GRIN2A: variants seen among roughly 807,000 people sequenced by gnomAD.
The protein encoded by GRIN2A is glutamate receptor ionotropic, NMDA 2A.
Under a neutral mutation model 113.4 loss-of-function variants are expected in GRIN2A, and 22 were observed. The observed-to-expected ratio is 0.19, with a 90% CI of 0.14 to 0.28. The LOEUF (loss-of-function observed/expected upper bound fraction) is 0.28, where lower values mean the gene tolerates loss of function less well. Among genes scored for constraint, GRIN2A ranks in the 10% least tolerant of loss-of-function variants. The probability of loss-of-function intolerance (pLI) is 1.00; values close to 1 mark genes in which losing one functional copy is unlikely to be tolerated. For synonymous variants in GRIN2A, 827 were observed against 738.4 expected (o/e 1.12, Z -1.94); for missense variants, 1,502 against 1,887.0 (o/e 0.80, Z 3.78).
rs560144688 is a variant in GRIN2A, at chr16:10,071,190, G to A, written c.414+108808C>T. Among the ~76,000 whole-genome samples the A allele has an allele frequency of 2.0e-5, 3 of 152,300 alleles. No homozygotes were observed. In the South Asian group the frequency reaches 6.2e-4, roughly 32 times the overall value. ...TTGAATACTGTTGCATGGAAATTTG[G>A]GATTTCTAGTTAGAGGCTTTATAAA... On this transcript the variant is annotated intron_variant, in intron 2 of 12. Coordinates refer to ENST00000330684, the MANE Select transcript of GRIN2A (RefSeq NM_001134407.3).
chr16:9,983,165 T>C (rs1336521751), intron 2 of GRIN2A, among the ~76,000 whole-genome samples: 1 of 152,204 alleles, frequency 6.6e-6, no homozygotes, highest in Non-Finnish European at 1.5e-5. Context: ...ACACAATATA[T>C]TTTTAACTAT....
intron 2 of GRIN2A, among the ~76,000 whole-genome samples, chr16:9,975,829 T>C (rs952397119): frequency 8.5e-5 from 13 of 152,200 alleles, no homozygotes; most frequent in Admixed American, 2.0e-4. Flanking sequence ...TGGAAAAAGA[T>C]ACAACACACA....
Position 9,840,927 on chromosome 16 carries a change from A to T in GRIN2A, c.1497+9T>A. ...GAGTAAGAGCCTAGGGGATGAAAAG[A>T]TAACTTACTTCACCGATCATTCCAT... On this transcript the variant is annotated intron_variant, in intron 6 of 12. Coordinates refer to ENST00000330684, the MANE Select transcript of GRIN2A (RefSeq NM_001134407.3). The T allele has an allele frequency of 6.2e-7, 1 of 1,613,728 alleles. No homozygotes were observed. Among genetic ancestry groups the T allele is most frequent in the Non-Finnish European group, 8.5e-7 (1 of 1,179,692 alleles).
At chr16:10,179,513 A>G (rs2050215419) in intron 2 of GRIN2A, 1 of 177,860 alleles carries the variant, frequency 5.6e-6, no homozygotes, top group Non-Finnish European at 1.2e-5. Flanking sequence ...ATTTTCTTCC[A>G]GAACCTACCC....
intron 10 of GRIN2A, among the ~76,000 whole-genome samples, chr16:9,819,436 A>G (rs1331861493): frequency 6.6e-6 from 1 of 151,724 alleles, no homozygotes; most frequent in African/African-American, 2.4e-5. Context: ...TGGGATGATT[A>G]CCTGAGCCCA....
At chr16:10,096,605 C>T (rs2048297436) in intron 2 of GRIN2A, among the ~76,000 whole-genome samples, 1 of 149,876 alleles carries the variant, frequency 6.7e-6, no homozygotes, top group Non-Finnish European at 1.5e-5. Context: ...CATAGACTTC[C>T]AGCCCCACAT....
chr16:10,041,252 C>A (rs1042787859), intron 2 of GRIN2A, among the ~76,000 whole-genome samples: 1 of 152,106 alleles, frequency 6.6e-6, no homozygotes, highest in Non-Finnish European at 1.5e-5. Flanking sequence ...AAAGGTATAA[C>A]GCAGAGTAGG....
At chr16:9,977,594 G>T (rs1458181909) in intron 2 of GRIN2A, among the ~76,000 whole-genome samples, 2 of 152,170 alleles carry the variant, frequency 1.3e-5, no homozygotes, top group Non-Finnish European at 2.9e-5. Context: ...GCTGAGAGTG[G>T]AAGGCAGAGC....
In GRIN2A at chr16:9,785,333, G is replaced by T. The variant is rs566994317; in HGVS notation, c.2356+12944C>A. On this transcript the variant is annotated intron_variant, in intron 11 of 12. Transcript: ENST00000330684. ...AAACCATCATTCTCAGCAAACTATC[G>T]CAAGGACAAAAAACCAAACACCACA... is the stretch of plus-strand genomic sequence containing the variant. Among the ~76,000 whole-genome samples, 1,191 of 150,666 alleles carry T rather than the reference G, an allele frequency of 7.9e-3. 7 individuals carry two copies. The highest frequency in any genetic ancestry group is 0.014 in the Non-Finnish European group (970 of 67,798).
rs546481093 is a variant in GRIN2A at position 10,078,368 on chromosome 16, G to A, written c.414+101630C>T. Among the ~76,000 whole-genome samples the A allele has an allele frequency of 7.2e-5, 11 of 152,070 alleles. No individual in the cohort carries two copies. The East Asian group carries it at 1.9e-3, about 27-fold the overall frequency. ...GGTGGGTATAATGCCCACTTCACAG[G>A]TGGACAAAGTGAGACTCAGGAGCCA... is the stretch of plus-strand genomic sequence containing the variant. On this transcript the variant is annotated intron_variant, in intron 2 of 12. Transcript: ENST00000330684.
rs1203432622 is a variant in GRIN2A, at chr16:10,118,009, G to A, written c.414+61989C>T. Reference sequence around the variant, plus strand: ...TGATGGGTGCAGAGATGAGCACATGGCACTGGACCAGCCAATGATAATCTT... The same window carrying A: ...TGATGGGTGCAGAGATGAGCACATGACACTGGACCAGCCAATGATAATCTT... On this transcript the variant is annotated intron_variant, in intron 2 of 12. Transcript: ENST00000330684. Among the ~76,000 whole-genome samples the A allele has an allele frequency of 2.0e-5, 3 of 152,082 alleles. No homozygotes were observed. In the East Asian group the frequency reaches 5.8e-4, roughly 29 times the overall value.
intron 7 of GRIN2A, among the ~76,000 whole-genome samples, chr16:9,836,294 G>A (rs1041586691): frequency 2.0e-5 from 3 of 152,224 alleles, no homozygotes; most frequent in African/African-American, 7.2e-5. Flanking sequence ...ATTAAAGCCA[G>A]AAATACTGGG....
chr16:9,763,533 C>T lies in GRIN2A; in HGVS notation c.4011G>A (p.Ser1337=), dbSNP rs748586367. The T allele has an allele frequency of 1.3e-5, 21 of 1,613,776 alleles. No homozygotes were observed. The highest frequency in any genetic ancestry group is 2.2e-5 in the East Asian group (1 of 44,872). Residue 1337 remains serine, a synonymous_variant, in exon 13 of 13, where the codon TCG becomes TCA. Coordinates refer to ENST00000330684, the MANE Select transcript of GRIN2A (RefSeq NM_001134407.3). ...SLFSVPSSKL[S]GKKSSLFPQG... The stretch of plus-strand genomic sequence containing the variant: ...GGGGGAAAAGGGAGCTTTTTTTCCC[C>T]GAGAGTTTGCTTGAGGGGACACTAA...
At chr16:9,796,189 A>G (rs1229770270) in intron 11 of GRIN2A, among the ~76,000 whole-genome samples, 4 of 152,252 alleles carry the variant, frequency 2.6e-5, no homozygotes, top group African/African-American at 9.6e-5. Context: ...CTAGAGTTAG[A>G]ACTCACTTAT....
At chr16:9,931,244 C>T (rs959099136) in intron 3 of GRIN2A, among the ~76,000 whole-genome samples, 1 of 152,154 alleles carries the variant, frequency 6.6e-6, no homozygotes, top group Non-Finnish European at 1.5e-5. Context: ...AACTGAAATG[C>T]ACTTCCATTG....
intron 10 of GRIN2A, among the ~76,000 whole-genome samples, chr16:9,808,168 G>C (rs1245209535): frequency 6.6e-6 from 1 of 152,202 alleles, no homozygotes; most frequent in African/African-American, 2.4e-5. Context: ...GACTTTTCTT[G>C]AACATTTACT....
chr16:10,072,896 A>C (rs989121607), intron 2 of GRIN2A, among the ~76,000 whole-genome samples: 4 of 151,504 alleles, frequency 2.6e-5, no homozygotes, highest in Non-Finnish European at 5.9e-5. Context: ...CAGAAGGAAA[A>C]ATGTGCTCAG....
intron 2 of GRIN2A, among the ~76,000 whole-genome samples, chr16:10,027,976 G>A (rs1005920675): frequency 3.3e-5 from 5 of 152,230 alleles, no homozygotes; most frequent in Non-Finnish European, 5.9e-5. Flanking sequence ...ACATCCACCT[G>A]GCTTCTCACA....
At chr16:9,956,236 TTC>T (rs1317535246) in intron 2 of GRIN2A, among the ~76,000 whole-genome samples, 2 of 152,224 alleles carry the variant, frequency 1.3e-5, no homozygotes, top group African/African-American at 4.8e-5. Context: ...CTGTTTTTGT[TTC>T]TGTTATTTTC....
Sources: gnomAD v4.1 joint callset for allele counts (sites outside exome capture counted in the v4.1 genomes callset) on GRCh38, gnomAD v4.1.1 for gene constraint, MANE v1.5 for transcripts, NCBI Gene and HGNC (gene_info 2026-07-23, HGNC 2026-07-21) for gene names.